Variants in CRY1 observed in about 807,000 individuals in gnomAD.
CRY1 encodes cryptochrome-1.
A neutral mutation model predicts 76.0 loss-of-function variants in CRY1; 45 were observed. That is an observed-to-expected ratio of 0.59 (90% CI 0.47 to 0.76). The LOEUF is 0.76. Among genes scored for constraint, CRY1 ranks in the 30% least tolerant of loss-of-function variants. The pLI, the probability that CRY1 is intolerant of heterozygous loss-of-function variation, is 0.00. For missense variants in CRY1, 587 were observed against 716.4 expected, an observed-to-expected ratio of 0.82 and a Z score of 2.06; for synonymous variants, 248 against 244.0, an observed-to-expected ratio of 1.02 and a Z score of -0.15.
rs1018297008 is a variant in CRY1 at position 107,014,450 on chromosome 12, T to C, written c.267+7634A>G. Among the ~76,000 whole-genome samples the C allele has an allele frequency of 2.2e-4, 33 of 152,326 alleles. 1 individual carries two copies. Among genetic ancestry groups the C allele is most frequent in the African/African-American group, 7.2e-4 (30 of 41,564 alleles). ...AGAAGAAAAGCTTCTTCTCTCCTGC[T>C]GTGACACAGTATCACACAGTAGGGC... On this transcript the variant is annotated intron_variant, in intron 2 of 12. Transcript: ENST00000008527.
chr12:107,022,137 G>A lies in CRY1; in HGVS notation c.214C>T (p.Arg72Cys), dbSNP rs757438891. The A allele has an allele frequency of 1.1e-5, 17 of 1,602,042 alleles. No individual in the cohort carries two copies. Among genetic ancestry groups the A allele is most frequent in the African/African-American group, 4.0e-5 (3 of 74,532 alleles). ...GGTTGTCCACGAATCACAAACAGACGGGAGTTTAATTTTCGTAGATTGGCA... is the reference window on the plus strand; with the variant it reads ...GGTTGTCCACGAATCACAAACAGACAGGAGTTTAATTTTCGTAGATTGGCA... ...LDANLRKLNS[R>C]LFVIRGQPAD... The change falls in exon 2 of 13, where the codon CGT becomes TGT. Residue 72 changes from arginine (R) to cysteine (C), a missense_variant. Arg to Cys is a radical substitution (Grantham distance 180). Coordinates refer to ENST00000008527, the MANE Select transcript of CRY1 (RefSeq NM_004075.5).
chr12:107,061,194 CAT>C (rs1474060082), intron 1 of CRY1, among the ~76,000 whole-genome samples: 3 of 151,810 alleles, frequency 2.0e-5, no homozygotes, highest in African/African-American at 4.8e-5. Context: ...AAAATGTAAA[CAT>C]ATTTTAATTA....
chr12:107,048,629 G>C (rs1184395896), intron 1 of CRY1, among the ~76,000 whole-genome samples: 2 of 151,950 alleles, frequency 1.3e-5, no homozygotes, highest in Non-Finnish European at 2.9e-5. Flanking sequence ...CTATTATTTT[G>C]TGTTTGAATC....
At chr12:107,053,906 C>G (rs1305842133) in intron 1 of CRY1, among the ~76,000 whole-genome samples, 1 of 152,170 alleles carries the variant, frequency 6.6e-6, no homozygotes, top group Non-Finnish European at 1.5e-5. Flanking sequence ...ACATCCCCAA[C>G]AGGCTCAGAG....
At chr12:107,005,781 T>C (rs1378572940) in intron 2 of CRY1, among the ~76,000 whole-genome samples, 1 of 152,110 alleles carries the variant, frequency 6.6e-6, no homozygotes, top group African/African-American at 2.4e-5. Flanking sequence ...TGTAAATATT[T>C]TCTTTCTGAT....
At chr12:107,073,385 C>T (rs1953215441) in intron 1 of CRY1, among the ~76,000 whole-genome samples, 1 of 152,012 alleles carries the variant, frequency 6.6e-6, no homozygotes, top group East Asian at 1.9e-4. Flanking sequence ...AGGCATGAGC[C>T]ACTGTGCCTG....
intron 1 of CRY1, among the ~76,000 whole-genome samples, chr12:107,041,260 A>G (rs1423670285): frequency 8.5e-5 from 13 of 152,252 alleles, no homozygotes. Flanking sequence ...AGATTAAAAT[A>G]CACAAATTTA....
chr12:107,083,315 A>C (rs1214609555), intron 1 of CRY1, among the ~76,000 whole-genome samples: 1 of 152,210 alleles, frequency 6.6e-6, no homozygotes, highest in Admixed American at 6.5e-5. Context: ...CAAAAGAAAA[A>C]GACGGACTGC....
intron 1 of CRY1, among the ~76,000 whole-genome samples, chr12:107,079,627 GA>G: frequency 6.6e-6 from 1 of 152,194 alleles, no homozygotes; most frequent in African/African-American, 2.4e-5. Flanking sequence ...ACCACTATCA[GA>G]ATACTGTGCC....
At chr12:107,037,121 G>A (rs762052452) in intron 1 of CRY1, among the ~76,000 whole-genome samples, 16 of 152,054 alleles carry the variant, frequency 1.1e-4, no homozygotes, top group Non-Finnish European at 1.5e-4. Context: ...GACACCTAAG[G>A]GGGTAAATGA....
At chr12:107,032,510 ACAC>A (rs1187277719) in intron 1 of CRY1, among the ~76,000 whole-genome samples, 2 of 56,468 alleles carry the variant, frequency 3.5e-5, no homozygotes. Context: ...ACTGTTACAG[ACAC>A]ACACACACAC....
rs1328044935 is a variant in CRY1 at position 107,047,695 on chromosome 12, AG to A, written c.159-25504del. Among the ~76,000 whole-genome samples, 3 of 152,314 alleles carry A rather than the reference AG, an allele frequency of 2.0e-5. No individual in the cohort carries two copies. In the East Asian group the frequency reaches 5.8e-4, roughly 29 times the overall value. ...TTGTAAGGTTTCTTAAGGCCTCCCC[AG>A]CCCTGCAGAACTGTGAGTCAATTAA... On this transcript the variant is annotated intron_variant, in intron 1 of 12. Transcript: ENST00000008527.
intron 1 of CRY1, among the ~76,000 whole-genome samples, chr12:107,048,165 C>T (rs899148073): frequency 6.6e-6 from 1 of 151,718 alleles, no homozygotes; most frequent in African/African-American, 2.4e-5. Flanking sequence ...ACTGCAACCT[C>T]CGCCCCCTGG....
At chr12:107,080,649 TA>T (rs556057310) in intron 1 of CRY1, among the ~76,000 whole-genome samples, 7 of 150,066 alleles carry the variant, frequency 4.7e-5, no homozygotes, top group African/African-American at 1.2e-4. Context: ...CAAACATTGT[TA>T]AAAAAAAATA....
intron 1 of CRY1, among the ~76,000 whole-genome samples, chr12:107,031,631 T>C (rs1263790827): frequency 1.3e-5 from 2 of 152,172 alleles, no homozygotes; most frequent in African/African-American, 4.8e-5. Context: ...TCTGACTTAA[T>C]GTGATGAGAA....
At chr12:107,063,886 T>C (rs1379144349) in intron 1 of CRY1, among the ~76,000 whole-genome samples, 1 of 151,998 alleles carries the variant, frequency 6.6e-6, no homozygotes, top group Non-Finnish European at 1.5e-5. Flanking sequence ...CATGAGCCAC[T>C]GCGTCCAGCT....
chr12:107,061,038 G>A (rs1354153550), intron 1 of CRY1, among the ~76,000 whole-genome samples: 2 of 151,954 alleles, frequency 1.3e-5, no homozygotes, highest in Admixed American at 1.3e-4. Context: ...CAAAAAGCTG[G>A]AAGTCTGTGT....
rs528104730 is a variant in CRY1, at chr12:107,050,971, C to T, written c.159-28779G>A. Among the ~76,000 whole-genome samples the T allele has an allele frequency of 1.9e-3, 293 of 151,868 alleles. 2 individuals are homozygous for T. Among genetic ancestry groups the T allele is most frequent in the African/African-American group, 6.7e-3 (276 of 41,416 alleles). On this transcript the variant is annotated intron_variant, in intron 1 of 12. Coordinates refer to ENST00000008527, the MANE Select transcript of CRY1 (RefSeq NM_004075.5). Reference sequence around the variant, plus strand: ...TTAACAGGAAGTGAGTATGAGAGCTCTAGAAAAAAGAAAATAATGAAAGAA... The same window carrying T: ...TTAACAGGAAGTGAGTATGAGAGCTTTAGAAAAAAGAAAATAATGAAAGAA...
At chr12:107,043,066 T>C (rs1033329829) in intron 1 of CRY1, 15 of 151,902 alleles carry the variant, frequency 9.9e-5, no homozygotes, top group African/African-American at 3.4e-4. Context: ...GGCTGGAGGG[T>C]GTCTTGCTCT....
Sources: gnomAD v4.1 joint callset for allele counts (sites outside exome capture counted in the v4.1 genomes callset) on GRCh38, gnomAD v4.1.1 for gene constraint, MANE v1.5 for transcripts, NCBI Gene and HGNC (gene_info 2026-07-23, HGNC 2026-07-21) for gene names.